The following CDH10 variants were observed in gnomAD, a reference collection of about 807,000 sequenced individuals.
CDH10 encodes cadherin-10.
A neutral mutation model predicts 73.1 loss-of-function variants in CDH10; 30 were observed. That is an observed-to-expected ratio of 0.41 (90% CI 0.31 to 0.56). The LOEUF (loss-of-function observed/expected upper bound fraction) is 0.56. CDH10 is among the 20% of genes least tolerant of loss of function. The pLI, the probability that CDH10 is intolerant of heterozygous loss-of-function variation, is 0.27. For synonymous variants in CDH10, 345 were observed against 348.2 expected (o/e 0.99, Z 0.10); for missense variants, 815 against 973.7 (o/e 0.84, Z 2.17).
Position 24,511,369 on chromosome 5 carries a change from C to A in CDH10, c.960G>T (p.Val320=). ...DGDGTDMFDI[V]TEKDTQEGII... ...TGCCTTCCTGTGTGTCCTTCTCAGT[C>A]ACGATGTCAAACATATCAGTACCGT... The change falls in exon 6 of 12, where the codon GTG becomes GTT. Residue 320 remains valine, a synonymous_variant. Coordinates refer to ENST00000264463, the MANE Select transcript of CDH10 (RefSeq NM_006727.5). The A allele has an allele frequency of 6.2e-7, 1 of 1,612,924 alleles. No homozygotes were observed. The highest frequency in any genetic ancestry group is 8.5e-7 in the Non-Finnish European group (1 of 1,178,992).
chr5:24,627,091 G>C (rs764516991), intron 1 of CDH10, among the ~76,000 whole-genome samples: 1 of 151,760 alleles, frequency 6.6e-6, no homozygotes, highest in Non-Finnish European at 1.5e-5. Flanking sequence ...TGCACATTAA[G>C]TAATATCACC....
At position 24,596,271 on chromosome 5, in the gene CDH10, C is replaced by G. The variant is rs200954572; in HGVS notation, c.-123-2658G>C. ...CCTTCCAGTAACCTAACCCAAATTA[C>G]AGAATATCTTTGGCATTTCCATTTA... On this transcript the variant is annotated intron_variant, in intron 1 of 11. Transcript: ENST00000264463. 3.9e-5 allele frequency among the ~76,000 whole-genome samples: 6 copies of G among 151,944 alleles called. No individual in the cohort carries two copies. In the South Asian group the frequency reaches 1.2e-3, roughly 32 times the overall value.
intron 2 of CDH10, among the ~76,000 whole-genome samples, chr5:24,551,637 T>A (rs1311583503): frequency 6.6e-6 from 1 of 152,168 alleles, no homozygotes; most frequent in African/African-American, 2.4e-5. Context: ...GAGATTTGCG[T>A]TTGTGTGAAC....
At chr5:24,566,889 T>G (rs889785740) in intron 2 of CDH10, among the ~76,000 whole-genome samples, 1 of 151,842 alleles carries the variant, frequency 6.6e-6, no homozygotes, top group Non-Finnish European at 1.5e-5. Context: ...GTAAAGAAAA[T>G]GAATGAGCAA....
At chr5:24,569,419 A>C (rs1579821444) in intron 2 of CDH10, among the ~76,000 whole-genome samples, 2 of 152,098 alleles carry the variant, frequency 1.3e-5, no homozygotes, top group East Asian at 3.9e-4. Flanking sequence ...AATAAAATAA[A>C]TCATAGGAAT....
chr5:24,489,329 A>G (rs1360887575), intron 11 of CDH10, among the ~76,000 whole-genome samples: 1 of 152,162 alleles, frequency 6.6e-6, no homozygotes, highest in Non-Finnish European at 1.5e-5. Flanking sequence ...GAGAGAAGGC[A>G]AACAATAAAC....
At chr5:24,603,744 C>T (rs533892390) in intron 1 of CDH10, among the ~76,000 whole-genome samples, 180 of 152,174 alleles carry the variant, frequency 1.2e-3, no homozygotes, top group African/African-American at 4.2e-3. Flanking sequence ...ACGTTTCCCC[C>T]GTATATTCCG....
At chr5:24,548,528 C>T (rs1361372399) in intron 2 of CDH10, among the ~76,000 whole-genome samples, 1 of 143,952 alleles carries the variant, frequency 6.9e-6, no homozygotes, top group African/African-American at 2.6e-5. Context: ...CTTTTAAGGC[C>T]TTCAACTGAT....
intron 1 of CDH10, among the ~76,000 whole-genome samples, chr5:24,622,139 C>G (rs1024413833): frequency 6.6e-6 from 1 of 152,318 alleles, no homozygotes; most frequent in Admixed American, 6.5e-5. Context: ...CAGAAACAAG[C>G]AGACCTGCTT....
intron 9 of CDH10, among the ~76,000 whole-genome samples, chr5:24,497,103 G>A (rs1482936331): frequency 6.6e-6 from 1 of 151,964 alleles, no homozygotes; most frequent in African/African-American, 2.4e-5. Context: ...GTATGGAGAC[G>A]TTGTGAGCCA....
intron 5 of CDH10, among the ~76,000 whole-genome samples, chr5:24,513,524 G>A (rs1005502702): frequency 2.6e-5 from 4 of 152,132 alleles, no homozygotes; most frequent in Non-Finnish European, 5.9e-5. Context: ...AGAATTGGGA[G>A]AAAATACATT....
At chr5:24,537,767 G>A in intron 2 of CDH10, 93 bp from the exon 3 acceptor site, 1 of 725,462 alleles carries the variant, frequency 1.4e-6, no homozygotes, top group Non-Finnish European at 2.3e-6. Context: ...TCTCATCACT[G>A]AGCAACGGGG....
At chr5:24,584,177 C>T (rs1745899635) in intron 2 of CDH10, among the ~76,000 whole-genome samples, 2 of 152,010 alleles carry the variant, frequency 1.3e-5, no homozygotes, top group African/African-American at 4.8e-5. Flanking sequence ...CATTATCAGG[C>T]TACATCAAGT....
intron 1 of CDH10, among the ~76,000 whole-genome samples, chr5:24,597,665 T>C (rs1012616307): frequency 2.0e-5 from 3 of 152,074 alleles, no homozygotes; most frequent in Admixed American, 1.3e-4. Flanking sequence ...TCTCATTTCA[T>C]TTTTACAATT....
intron 11 of CDH10, among the ~76,000 whole-genome samples, chr5:24,488,371 T>C (rs1741922366): frequency 6.6e-6 from 1 of 152,138 alleles, no homozygotes; most frequent in African/African-American, 2.4e-5. Context: ...TTCTAATTTA[T>C]TTTTAAAACA....
intron 2 of CDH10, among the ~76,000 whole-genome samples, chr5:24,589,881 G>A (rs1746141932): frequency 6.6e-6 from 1 of 151,980 alleles, no homozygotes; most frequent in African/African-American, 2.4e-5. Context: ...AATATTTATA[G>A]AAGGTTTCAC....
At chr5:24,590,012 C>T (rs1746146073) in intron 2 of CDH10, among the ~76,000 whole-genome samples, 2 of 151,852 alleles carry the variant, frequency 1.3e-5, no homozygotes, top group African/African-American at 2.4e-5. Flanking sequence ...CAATAAATTC[C>T]AGTATACAGG....
intron 5 of CDH10, among the ~76,000 whole-genome samples, chr5:24,523,804 T>A (rs1198394478): frequency 6.6e-6 from 1 of 152,160 alleles, no homozygotes; most frequent in Non-Finnish European, 1.5e-5. Flanking sequence ...TTCATGTTAA[T>A]TTTTACTACT....
At chr5:24,636,897 G>C (rs1377481795) in intron 1 of CDH10, among the ~76,000 whole-genome samples, 1 of 151,808 alleles carries the variant, frequency 6.6e-6, no homozygotes, top group African/African-American at 2.4e-5. Flanking sequence ...CTGCTCCTAA[G>C]GGAAGCACCA....
Sources: allele counts gnomAD v4.1 joint callset (sites outside exome capture counted in the v4.1 genomes callset), GRCh38; gene constraint gnomAD v4.1.1; transcripts MANE v1.5; gene names NCBI Gene and HGNC (gene_info 2026-07-23, HGNC 2026-07-21).